The following FGF12 variants were observed in gnomAD, a reference collection of about 807,000 sequenced individuals.
The protein encoded by FGF12 is fibroblast growth factor 12B.
FGF12 carries 14 observed loss-of-function variants against 23.6 expected under a neutral mutation model. That is an observed-to-expected ratio of 0.59 (90% CI 0.39 to 0.93). The LOEUF (loss-of-function observed/expected upper bound fraction) is 0.93, where lower values mean the gene tolerates loss of function less well. Ranked by LOEUF, FGF12 falls within the 40% of genes least tolerant of loss-of-function variation. The pLI is 0.00. For synonymous variants in FGF12, 62 were observed against 77.3 expected, an observed-to-expected ratio of 0.80 and a Z score of 1.04; for missense variants, 175 against 217.8, an observed-to-expected ratio of 0.80 and a Z score of 1.24.
intron 2 of FGF12, among the ~76,000 whole-genome samples, chr3:192,402,332 C>T (rs1425960857): frequency 6.6e-6 from 1 of 152,240 alleles, no homozygotes; most frequent in East Asian, 1.9e-4. Context: ...ACATCCGAGC[C>T]AGGAGCCTAA....
chr3:192,558,555 A>G (rs2108592247), intron 2 of FGF12, among the ~76,000 whole-genome samples: 1 of 150,336 alleles, frequency 6.7e-6, no homozygotes, highest in South Asian at 2.1e-4. Context: ...TCCCACTGGC[A>G]TTTTTTGTGG....
chr3:192,601,140 T>C (rs917456712), intron 2 of FGF12, among the ~76,000 whole-genome samples: 1 of 152,068 alleles, frequency 6.6e-6, no homozygotes, highest in African/African-American at 2.4e-5. Flanking sequence ...AAATCTGTCA[T>C]TCACAGCAAC....
intron 2 of FGF12, among the ~76,000 whole-genome samples, chr3:192,520,554 A>C (rs2108845626): frequency 6.6e-6 from 1 of 152,300 alleles, no homozygotes; most frequent in South Asian, 2.1e-4. Context: ...TTACTTGCCC[A>C]TCCTCTTCAG....
intron 4 of FGF12, among the ~76,000 whole-genome samples, chr3:192,252,178 A>G (rs949035671): frequency 3.3e-4 from 50 of 152,116 alleles, no homozygotes; most frequent in Non-Finnish European, 6.6e-4. Context: ...GAAAGAATAT[A>G]AGCCGGGCAT....
intron 3 of FGF12, among the ~76,000 whole-genome samples, chr3:192,341,588 C>T (rs975724947): frequency 2.0e-5 from 3 of 151,714 alleles, no homozygotes; most frequent in African/African-American, 2.4e-5. Flanking sequence ...TTTATTTTTT[C>T]GAGGGAGAAC....
At chr3:192,422,725 A>C (rs1382347143) in intron 2 of FGF12, among the ~76,000 whole-genome samples, 2 of 152,202 alleles carry the variant, frequency 1.3e-5, no homozygotes, top group Admixed American at 6.5e-5. Context: ...GAACAAAAAA[A>C]AGTAACTTGG....
At chr3:192,725,821 A>G (rs1205371395) in intron 2 of FGF12, among the ~76,000 whole-genome samples, 2 of 152,212 alleles carry the variant, frequency 1.3e-5, no homozygotes, top group Non-Finnish European at 2.9e-5. Context: ...TTATATGTTA[A>G]GGACTGCCTT....
chr3:192,336,013 T>A lies in FGF12; in HGVS notation c.125-549A>T, dbSNP rs563060579. ...CAAAACTTTTTTCTTGATATCTCAA[T>A]TTTTTACATGTAAATAAACAGAGAT... On this transcript the variant is annotated intron_variant, in intron 3 of 5. Transcript: ENST00000445105. The surrounding 1 kb of genome is among the most constrained non-coding windows in gnomAD (Gnocchi z 4.3). Among the ~76,000 whole-genome samples, 1 of 151,994 alleles carries A rather than the reference T, an allele frequency of 6.6e-6. No homozygotes were observed. Among genetic ancestry groups the A allele is most frequent in the South Asian group, 2.1e-4 (1 of 4,810 alleles).
intron 2 of FGF12, among the ~76,000 whole-genome samples, chr3:192,675,762 C>T (rs1717306208): frequency 6.6e-6 from 1 of 152,148 alleles, no homozygotes. Flanking sequence ...AATCAAAACA[C>T]ATTATTAAAA....
intron 4 of FGF12, among the ~76,000 whole-genome samples, chr3:192,258,261 C>T (rs1712530280): frequency 6.6e-6 from 1 of 152,072 alleles, no homozygotes; most frequent in African/African-American, 2.4e-5. Flanking sequence ...AGTTTCAGAC[C>T]AGCATGGCCA....
At chr3:192,614,104 G>C (rs1466495465) in intron 2 of FGF12, among the ~76,000 whole-genome samples, 1 of 151,848 alleles carries the variant, frequency 6.6e-6, no homozygotes, top group Non-Finnish European at 1.5e-5. Flanking sequence ...GGAGTATGAG[G>C]GGTGAAAACG....
At chr3:192,240,062 G>A (rs1191452897) in intron 4 of FGF12, among the ~76,000 whole-genome samples, 1 of 152,212 alleles carries the variant, frequency 6.6e-6, no homozygotes, top group East Asian at 1.9e-4. Context: ...AACCAGGAAA[G>A]TTGTCTTATA....
chr3:192,174,607 A>C (rs1426199189), intron 4 of FGF12, among the ~76,000 whole-genome samples: 1 of 152,194 alleles, frequency 6.6e-6, no homozygotes, highest in Non-Finnish European at 1.5e-5. Flanking sequence ...TTGGATAGTC[A>C]TTCTAAGTAG....
intron 4 of FGF12, among the ~76,000 whole-genome samples, chr3:192,238,929 T>C (rs1327213949): frequency 6.6e-6 from 1 of 152,246 alleles, no homozygotes; most frequent in Middle Eastern, 3.4e-3. Context: ...TTCTCCCAAA[T>C]GTGATGGGAA....
intron 4 of FGF12, among the ~76,000 whole-genome samples, chr3:192,321,862 T>C (rs953016920): frequency 6.6e-6 from 1 of 152,090 alleles, no homozygotes; most frequent in Admixed American, 6.5e-5. Context: ...GCTGGTATCA[T>C]ACTGAACAAG....
At chr3:192,436,326 A>G (rs909595823) in intron 2 of FGF12, among the ~76,000 whole-genome samples, 3 of 152,244 alleles carry the variant, frequency 2.0e-5, no homozygotes, top group Non-Finnish European at 2.9e-5. Context: ...ACTGAGAATC[A>G]GAGCTTACTG....
chr3:192,249,554 A>G (rs949876708), intron 4 of FGF12, among the ~76,000 whole-genome samples: 8 of 151,964 alleles, frequency 5.3e-5, no homozygotes, highest in African/African-American at 1.9e-4. Context: ...TTTTTTCTCA[A>G]CACGTAGAAT....
In FGF12 at chr3:192,291,688, A is replaced by C. The variant is rs1714766674; in HGVS notation, c.228+43673T>G. On this transcript the variant is annotated intron_variant, in intron 4 of 5. Coordinates refer to ENST00000445105, the MANE Select transcript of FGF12 (RefSeq NM_004113.6). The stretch of plus-strand genomic sequence containing the variant: ...CTGGGAAGTACTGGCTTACTAATAC[A>C]GAGCAAAAGGTATATATTAATAGAA... Among the ~76,000 whole-genome samples, 3 of 152,210 alleles carry C rather than the reference A, an allele frequency of 2.0e-5. No homozygotes were observed. The South Asian group carries it at 6.2e-4, about 31-fold the overall frequency.
chr3:192,722,295 T>C (rs1465317703), intron 2 of FGF12, among the ~76,000 whole-genome samples: 8 of 152,248 alleles, frequency 5.3e-5, no homozygotes, highest in African/African-American at 1.7e-4. Context: ...GCTCAGTCTT[T>C]TATTATTGTT....
Sources: allele counts gnomAD v4.1 joint callset (sites outside exome capture counted in the v4.1 genomes callset), GRCh38; gene constraint gnomAD v4.1.1; non-coding constraint Gnocchi (gnomAD v3.1); transcripts MANE v1.5; gene names NCBI Gene and HGNC (gene_info 2026-07-23, HGNC 2026-07-21).